The following NCOA1 variants were observed in gnomAD, a reference collection of about 807,000 sequenced individuals.
NCOA1 encodes Hin-2 protein.
In NCOA1, 35 loss-of-function variants were observed where a neutral mutation model predicts 150.9. That is an observed-to-expected ratio of 0.23 (90% CI 0.18 to 0.31). The LOEUF is 0.31. NCOA1 is among the 10% of genes least tolerant of loss of function. The probability of loss-of-function intolerance (pLI) is 1.00; values close to 1 mark genes in which losing one functional copy is unlikely to be tolerated. For missense variants in NCOA1, 1,491 were observed against 1,749.3 expected (o/e 0.85, Z 2.63); for synonymous variants, 590 against 630.0 (o/e 0.94, Z 0.95).
At chr2:24,510,072 G>A (rs1663870511) in intron 1 of NCOA1, among the ~76,000 whole-genome samples, 1 of 152,042 alleles carries the variant, frequency 6.6e-6, no homozygotes, top group African/African-American at 2.4e-5. Flanking sequence ...TTTTTGAGAC[G>A]GAGTTTCACT....
At chr2:24,538,134 A>C (rs1006306949) in intron 1 of NCOA1, among the ~76,000 whole-genome samples, 5 of 152,256 alleles carry the variant, frequency 3.3e-5, no homozygotes, top group Non-Finnish European at 7.3e-5. Context: ...CTATTAAAAT[A>C]GCAAGTGTTA....
At position 24,612,938 on chromosome 2, in the gene NCOA1, G is replaced by C. The variant is rs369619151; in HGVS notation, c.-175+28378G>C. On this transcript the variant is annotated intron_variant, in intron 3 of 22. Transcript: ENST00000348332. ...GCTGGAGAGCTAGTGTGATTATTGA[G>C]TGGTGTCACTACGATCAGATTTTTC... Among the ~76,000 whole-genome samples, 7 of 152,228 alleles carry C rather than the reference G, an allele frequency of 4.6e-5. No individual in the cohort carries two copies. In the South Asian group the frequency reaches 8.3e-4, roughly 18 times the overall value.
At chr2:24,595,921 G>C (rs1667866582) in intron 3 of NCOA1, among the ~76,000 whole-genome samples, 1 of 152,150 alleles carries the variant, frequency 6.6e-6, no homozygotes, top group Non-Finnish European at 1.5e-5. Context: ...TTCTTACACT[G>C]TATATGGAAG....
At chr2:24,676,919 GAAAAAAGAAT>G (rs1671936308) in intron 7 of NCOA1, among the ~76,000 whole-genome samples, 1 of 151,972 alleles carries the variant, frequency 6.6e-6, no homozygotes, top group African/African-American at 2.4e-5. Flanking sequence ...CAGAAATAAA[GAAAAAAGAAT>G]AAAAAAGAAT....
intron 3 of NCOA1, among the ~76,000 whole-genome samples, chr2:24,592,223 G>A (rs957097045): frequency 6.6e-6 from 1 of 152,158 alleles, no homozygotes; most frequent in African/African-American, 2.4e-5. Context: ...AATAGGTACC[G>A]TTAGGCTCAG....
At chr2:24,541,894 TCA>T (rs1665413916) in intron 1 of NCOA1, among the ~76,000 whole-genome samples, 1 of 152,096 alleles carries the variant, frequency 6.6e-6, no homozygotes, top group African/African-American at 2.4e-5. Flanking sequence ...AAATTTAAAT[TCA>T]TAGACTCAGT....
At chr2:24,734,092 G>A (rs997920410) in intron 17 of NCOA1, among the ~76,000 whole-genome samples, 26 of 151,098 alleles carry the variant, frequency 1.7e-4, no homozygotes, top group Admixed American at 1.1e-3. Context: ...CAGGAGAATC[G>A]CTTGAATCCA....
chr2:24,670,434 G>A (rs1331965312), intron 6 of NCOA1, among the ~76,000 whole-genome samples: 1 of 152,170 alleles, frequency 6.6e-6, no homozygotes, highest in African/African-American at 2.4e-5. Flanking sequence ...ACGTCCATCA[G>A]CTGATGAATA....
chr2:24,546,300 G>T (rs896031291), intron 1 of NCOA1, among the ~76,000 whole-genome samples: 1 of 151,832 alleles, frequency 6.6e-6, no homozygotes, highest in African/African-American at 2.4e-5. Flanking sequence ...GTAGTTTCTT[G>T]TATTAAGTCT....
chr2:24,593,249 T>C (rs894040348), intron 3 of NCOA1, among the ~76,000 whole-genome samples: 6 of 152,116 alleles, frequency 3.9e-5, no homozygotes, highest in African/African-American at 1.4e-4. Context: ...TATTAAACTC[T>C]TTACAGAAAA....
intron 19 of NCOA1, among the ~76,000 whole-genome samples, chr2:24,743,110 C>T (rs973149318): frequency 5.9e-5 from 9 of 152,160 alleles, no homozygotes; most frequent in Admixed American, 5.2e-4. Flanking sequence ...TCTGATTAGT[C>T]TACTCTGTTT....
chr2:24,533,301 A>G (rs1410319030), intron 1 of NCOA1, among the ~76,000 whole-genome samples: 2 of 152,224 alleles, frequency 1.3e-5, no homozygotes, highest in African/African-American at 2.4e-5. Flanking sequence ...TTGATTTTGT[A>G]TCCTGAGACT....
At chr2:24,698,046 G>T (rs1672981242) in intron 11 of NCOA1, among the ~76,000 whole-genome samples, 1 of 152,038 alleles carries the variant, frequency 6.6e-6, no homozygotes, top group Admixed American at 6.6e-5. Context: ...CATTCAGCAG[G>T]CATGTATCAA....
At position 24,645,110 on chromosome 2, in the gene NCOA1, T is replaced by G. The variant is rs1348234383; in HGVS notation, c.-18+988T>G. Among the ~76,000 whole-genome samples, 5 of 152,250 alleles carry G rather than the reference T, an allele frequency of 3.3e-5. No homozygotes were observed. In the East Asian group the frequency reaches 9.7e-4, roughly 29 times the overall value. On this transcript the variant is annotated intron_variant, in intron 4 of 22. Transcript: ENST00000348332. ...GGAAGTTGGAGGCAAAACTCTCAGTTGGCAGAGAGCTTTAATGCAAGGACT... is the reference window on the plus strand; with the variant it reads ...GGAAGTTGGAGGCAAAACTCTCAGTGGGCAGAGAGCTTTAATGCAAGGACT...
At chr2:24,641,851 C>G (rs1368930551) in intron 3 of NCOA1, among the ~76,000 whole-genome samples, 3 of 151,894 alleles carry the variant, frequency 2.0e-5, no homozygotes, top group Non-Finnish European at 4.4e-5. Context: ...TATATTTATT[C>G]TGAGTGGGAT....
At chr2:24,742,290 G>A in intron 19 of NCOA1, 104 bp downstream of exon 19, 1 of 1,345,744 alleles carries the variant, frequency 7.4e-7, no homozygotes, top group Non-Finnish European at 1.0e-6. Context: ...GTGTGGAAGA[G>A]GAAAGACACT....
chr2:24,619,496 C>G (rs948833569), intron 3 of NCOA1, among the ~76,000 whole-genome samples: 10 of 152,126 alleles, frequency 6.6e-5, no homozygotes, highest in Non-Finnish European at 1.5e-4. Flanking sequence ...GGCAGCTTAC[C>G]AAACATTGGG....
chr2:24,667,734 T>A (rs1019320411), intron 6 of NCOA1, among the ~76,000 whole-genome samples: 8 of 152,212 alleles, frequency 5.3e-5, no homozygotes, highest in Admixed American at 1.3e-4. Context: ...GCAGGCACAC[T>A]CTGCCCCTGC....
At chr2:24,605,587 G>A (rs1315284314) in intron 3 of NCOA1, among the ~76,000 whole-genome samples, 1 of 152,144 alleles carries the variant, frequency 6.6e-6, no homozygotes, top group Non-Finnish European at 1.5e-5. Flanking sequence ...CTTCCTAGAA[G>A]TAGAATTGCT....
Sources: allele counts gnomAD v4.1 joint callset (sites outside exome capture counted in the v4.1 genomes callset), GRCh38; gene constraint gnomAD v4.1.1; transcripts MANE v1.5; gene names NCBI Gene and HGNC (gene_info 2026-07-23, HGNC 2026-07-21).